The following TRAPPC9 variants were observed in gnomAD, a reference collection of about 807,000 sequenced individuals.
The protein encoded by TRAPPC9 is trafficking protein particle complex subunit 9.
A neutral mutation model predicts 124.0 loss-of-function variants in TRAPPC9; 83 were observed. The ratio of observed to expected loss-of-function variants is 0.67; its 90% CI spans 0.56 to 0.80. The LOEUF (loss-of-function observed/expected upper bound fraction) is 0.80. Ranked by LOEUF, TRAPPC9 falls within the 30% of genes least tolerant of loss-of-function variation. The probability of loss-of-function intolerance (pLI) is 0.00; values close to 1 mark genes in which losing one functional copy is unlikely to be tolerated. For missense variants in TRAPPC9, 1,302 were observed against 1,508.3 expected (o/e 0.86, Z 2.27); for synonymous variants, 638 against 617.5 (o/e 1.03, Z -0.49).
chr8:139,833,263 CTA>C (rs1246207172), intron 21 of TRAPPC9, among the ~76,000 whole-genome samples: 1 of 152,190 alleles, frequency 6.6e-6, no homozygotes, highest in Non-Finnish European at 1.5e-5. Context: ...TTCATAAAAC[CTA>C]TAGCCCCCTT....
intron 21 of TRAPPC9, among the ~76,000 whole-genome samples, chr8:139,861,471 G>A (rs1828150248): frequency 6.6e-6 from 1 of 152,164 alleles, no homozygotes; most frequent in Admixed American, 6.5e-5. Flanking sequence ...GTGACCAGGG[G>A]AACAGATGTG....
rs1369619876 is a variant in TRAPPC9, at chr8:140,457,709, G to A, written c.-81C>T. 2.0e-6 allele frequency: 2 copies of A among 988,284 alleles called. No individual in the cohort carries two copies. Among genetic ancestry groups the A allele is most frequent in the African/African-American group, 1.7e-5 (1 of 57,402 alleles). 61.2% of individuals were successfully genotyped at this position (988,284 alleles called of 1,614,324 possible). ...GGCAGCGGGGCCGAGCAGCCTCTGC[G>A]GCCACTTCCCAGGCTCTGGGCTGGC... On this transcript the variant is annotated 5_prime_UTR_variant, in exon 1 of 23. Coordinates refer to ENST00000438773, the MANE Select transcript of TRAPPC9 (RefSeq NM_001160372.4).
At chr8:140,028,144 T>C (rs1170222817) in intron 17 of TRAPPC9, among the ~76,000 whole-genome samples, 2 of 151,968 alleles carry the variant, frequency 1.3e-5, no homozygotes, top group Admixed American at 6.6e-5. Context: ...TAAGGTCTTA[T>C]ATATTATATA....
intron 7 of TRAPPC9, among the ~76,000 whole-genome samples, chr8:140,393,196 C>T (rs926097968): frequency 6.6e-6 from 1 of 152,014 alleles, no homozygotes; most frequent in East Asian, 1.9e-4. Context: ...CTCAGCCTCC[C>T]GAGTAGCTGG....
intron 21 of TRAPPC9, among the ~76,000 whole-genome samples, chr8:139,783,661 G>A (rs1471482196): frequency 6.6e-6 from 1 of 152,184 alleles, no homozygotes; most frequent in Non-Finnish European, 1.5e-5. Context: ...TCTGAGTCCA[G>A]CATTATCCTG....
At chr8:140,080,351 T>A (rs1843743963) in intron 17 of TRAPPC9, among the ~76,000 whole-genome samples, 1 of 152,234 alleles carries the variant, frequency 6.6e-6, no homozygotes, top group Non-Finnish European at 1.5e-5. Flanking sequence ...TTGGTGTTGC[T>A]GCAACAGAAT....
intron 4 of TRAPPC9, among the ~76,000 whole-genome samples, chr8:140,432,209 TAAC>T (rs2070669808): frequency 6.6e-6 from 1 of 151,690 alleles, no homozygotes; most frequent in South Asian, 2.1e-4. Context: ...AAAAAAAAGG[TAAC>T]AAATTTAATT....
At chr8:140,246,803 G>A (rs1318517205) in intron 16 of TRAPPC9, among the ~76,000 whole-genome samples, 1 of 152,126 alleles carries the variant, frequency 6.6e-6, no homozygotes, top group African/African-American at 2.4e-5. Flanking sequence ...TGGCCAACGT[G>A]GTGAAACCCC....
At chr8:140,109,511 A>C (rs2060724792) in intron 17 of TRAPPC9, among the ~76,000 whole-genome samples, 1 of 152,190 alleles carries the variant, frequency 6.6e-6, no homozygotes. Context: ...TCTAAATTCC[A>C]GGCCTGCCAT....
At chr8:140,273,757 C>T (rs968806838) in intron 15 of TRAPPC9, among the ~76,000 whole-genome samples, 1 of 152,214 alleles carries the variant, frequency 6.6e-6, no homozygotes, top group Non-Finnish European at 1.5e-5. Context: ...CCCACTTCCG[C>T]TCTCGCCCTC....
intron 16 of TRAPPC9, among the ~76,000 whole-genome samples, chr8:140,225,633 T>C (rs997714430): frequency 6.6e-6 from 1 of 152,218 alleles, no homozygotes; most frequent in Non-Finnish European, 1.5e-5. Context: ...TTCTCTAGCA[T>C]GTTACCCCAG....
intron 21 of TRAPPC9, among the ~76,000 whole-genome samples, chr8:139,805,980 G>A (rs921355104): frequency 5.3e-5 from 8 of 152,226 alleles, no homozygotes; most frequent in Non-Finnish European, 8.8e-5. Context: ...AGGGGTGTGC[G>A]CGGAGCACGC....
chr8:139,865,447 G>C (rs1321378661), intron 21 of TRAPPC9, among the ~76,000 whole-genome samples: 4 of 152,192 alleles, frequency 2.6e-5, no homozygotes, highest in East Asian at 1.9e-4. Flanking sequence ...GTTCATAGAG[G>C]GGGTGAAACA....
intron 19 of TRAPPC9, among the ~76,000 whole-genome samples, chr8:139,981,530 A>G (rs975567632): frequency 6.6e-5 from 10 of 152,224 alleles, no homozygotes; most frequent in African/African-American, 2.4e-4. Flanking sequence ...CTGCAAGAAG[A>G]CTGGGCGCCA....
chr8:139,937,943 C>T (rs987894781), intron 19 of TRAPPC9, among the ~76,000 whole-genome samples: 3 of 152,134 alleles, frequency 2.0e-5, no homozygotes, highest in African/African-American at 7.2e-5. Flanking sequence ...ACAGAGACAC[C>T]TCCTCAGTGG....
intron 17 of TRAPPC9, among the ~76,000 whole-genome samples, chr8:140,066,592 C>T (rs978676704): frequency 6.6e-6 from 1 of 152,192 alleles, no homozygotes; most frequent in Non-Finnish European, 1.5e-5. Context: ...TAGGTTTACT[C>T]TAGACTACAA....
intron 21 of TRAPPC9, among the ~76,000 whole-genome samples, chr8:139,866,587 G>C (rs141322994): frequency 6.6e-6 from 1 of 152,114 alleles, no homozygotes; most frequent in Non-Finnish European, 1.5e-5. Context: ...CAGGAAGACC[G>C]ATAAGTTACA....
chr8:140,073,092 G>A (rs748646309), intron 17 of TRAPPC9, among the ~76,000 whole-genome samples: 4 of 152,166 alleles, frequency 2.6e-5, no homozygotes, highest in South Asian at 2.1e-4. Context: ...TTACACTGCC[G>A]GGGGAATGTA....
At chr8:140,268,155 A>G (rs1360088914) in intron 15 of TRAPPC9, among the ~76,000 whole-genome samples, 2 of 93,522 alleles carry the variant, frequency 2.1e-5, no homozygotes, top group African/African-American at 1.0e-4. Context: ...AATAAAAATC[A>G]ATCCACAACC....
Sources: allele counts gnomAD v4.1 joint callset (sites outside exome capture counted in the v4.1 genomes callset), GRCh38; gene constraint gnomAD v4.1.1; transcripts MANE v1.5; gene names NCBI Gene and HGNC (gene_info 2026-07-23, HGNC 2026-07-21).